The following MACROD1 variants were observed in gnomAD, a reference collection of about 807,000 sequenced individuals.
The protein encoded by MACROD1 is ADP-ribose glycohydrolase MACROD1.
MACROD1 carries 31 observed loss-of-function variants against 41.4 expected under a neutral mutation model. That is an observed-to-expected ratio of 0.75 (90% confidence interval 0.56 to 1.01). The LOEUF (loss-of-function observed/expected upper bound fraction) is 1.01, where lower values mean the gene tolerates loss of function less well. Ranked by LOEUF, MACROD1 falls within the 50% of genes least tolerant of loss-of-function variation. The pLI is 0.00. For missense variants in MACROD1, 473 were observed against 460.0 expected (o/e 1.03, Z -0.26); for synonymous variants, 252 against 203.4 (o/e 1.24, Z -2.03).
intron 3 of MACROD1, among the ~76,000 whole-genome samples, chr11:64,105,021 T>G (rs912157568): frequency 6.6e-5 from 10 of 152,170 alleles, no homozygotes; most frequent in Middle Eastern, 6.8e-3. Context: ...AGGAGAGGGG[T>G]TGATTTATGA....
At chr11:64,143,043 G>C (rs1945435433) in intron 3 of MACROD1, among the ~76,000 whole-genome samples, 1 of 151,264 alleles carries the variant, frequency 6.6e-6, no homozygotes, top group South Asian at 2.1e-4. Context: ...GACCCCAGGA[G>C]GTGGAGGCTG....
intron 3 of MACROD1, among the ~76,000 whole-genome samples, chr11:64,140,087 A>G (rs1174406949): frequency 6.6e-6 from 1 of 152,070 alleles, no homozygotes; most frequent in African/African-American, 2.4e-5. Context: ...CAAGCATGCC[A>G]GCGCCCTCCA....
intron 4 of MACROD1, among the ~76,000 whole-genome samples, chr11:64,013,035 C>T (rs926547497): frequency 6.6e-6 from 1 of 151,364 alleles, no homozygotes; most frequent in South Asian, 2.1e-4. Flanking sequence ...TTACTATGTT[C>T]CCCAGGCTGG....
At chr11:64,129,716 C>T (rs1368325869) in intron 3 of MACROD1, among the ~76,000 whole-genome samples, 2 of 152,160 alleles carry the variant, frequency 1.3e-5, no homozygotes, top group African/African-American at 4.8e-5. Context: ...CACAACAATC[C>T]CAGGTCCACG....
rs775213472 is a variant in MACROD1 at position 63,999,358 on chromosome 11, T to C, written c.864A>G (p.Arg288=). The C allele has an allele frequency of 1.9e-6, 3 of 1,590,558 alleles. No homozygotes were observed. Among genetic ancestry groups the C allele is most frequent in the Non-Finnish European group, 1.7e-6 (2 of 1,173,706 alleles). ...TGTCCTTGTGCTGCTCCAGCCACTC[T>C]CGCAGCGTGGCCAGCACGATCTCGG... The part of the protein sequence containing the change: ...AAAEIVLATL[R]EWLEQHKDKV... Residue 288 remains arginine (R), a synonymous_variant, in exon 8 of 11, where the codon CGA becomes CGG. Transcript: ENST00000255681.
intron 4 of MACROD1, among the ~76,000 whole-genome samples, chr11:64,010,554 TGTTG>T (rs1485500562): frequency 2.0e-5 from 3 of 147,892 alleles, no homozygotes; most frequent in African/African-American, 5.0e-5. Context: ...GGTTGGCATG[TGTTG>T]GTTGGGATGT....
At chr11:64,017,347 TATC>T (rs946481598) in intron 3 of MACROD1, among the ~76,000 whole-genome samples, 1 of 152,104 alleles carries the variant, frequency 6.6e-6, no homozygotes, top group Admixed American at 6.5e-5. Context: ...GCCCATTTAT[TATC>T]ATAACAAAGC....
intron 3 of MACROD1, among the ~76,000 whole-genome samples, chr11:64,098,854 G>A (rs1263278744): frequency 2.6e-5 from 4 of 152,196 alleles, no homozygotes; most frequent in Non-Finnish European, 4.4e-5. Context: ...GCCCACCTGG[G>A]TTTCTAGCAG....
intron 3 of MACROD1, among the ~76,000 whole-genome samples, chr11:64,017,261 G>A (rs1014248066): frequency 1.3e-5 from 2 of 152,174 alleles, no homozygotes; most frequent in Non-Finnish European, 2.9e-5. Context: ...GTGAGCCACC[G>A]CGCCTGGGCA....
intron 3 of MACROD1, among the ~76,000 whole-genome samples, chr11:64,078,852 G>A (rs778591994): frequency 1.3e-5 from 2 of 152,232 alleles, no homozygotes; most frequent in Non-Finnish European, 2.9e-5. Context: ...ATAGCTGGCC[G>A]TGGAGACTGT....
intron 3 of MACROD1, chr11:64,117,239 G>C: frequency 1.2e-6 from 2 of 1,614,184 alleles, no homozygotes; most frequent in Non-Finnish European, 1.7e-6. Context: ...CCCAGCTGCT[G>C]CTCAGGAACA....
At chr11:64,019,135 G>A (rs1365165129) in intron 3 of MACROD1, among the ~76,000 whole-genome samples, 2 of 152,208 alleles carry the variant, frequency 1.3e-5, no homozygotes, top group African/African-American at 2.4e-5. Context: ...AGGCTGTGGA[G>A]TGCCCTAGTC....
intron 3 of MACROD1, among the ~76,000 whole-genome samples, chr11:64,112,982 T>A (rs900714707): frequency 6.6e-6 from 1 of 152,164 alleles, no homozygotes; most frequent in African/African-American, 2.4e-5. Context: ...TTGGCCACAG[T>A]CCCTGCCCTG....
At chr11:64,045,054 T>C (rs976126963) in intron 3 of MACROD1, among the ~76,000 whole-genome samples, 2 of 152,186 alleles carry the variant, frequency 1.3e-5, no homozygotes, top group Non-Finnish European at 2.9e-5. Context: ...GCAGAGGCAT[T>C]GTGAGCAGTC....
intron 3 of MACROD1, among the ~76,000 whole-genome samples, chr11:64,030,099 A>C (rs890666490): frequency 1.3e-5 from 2 of 149,966 alleles, no homozygotes; most frequent in Admixed American, 6.6e-5. Context: ...CTGCGTTCCC[A>C]CCCTCTCTGG....
At chr11:64,155,600 C>A (rs1460442623) in intron 1 of MACROD1, among the ~76,000 whole-genome samples, 2 of 152,302 alleles carry the variant, frequency 1.3e-5, no homozygotes, top group Admixed American at 6.5e-5. Context: ...TCCTTCCTGG[C>A]GGCTAAATAA....
At chr11:64,099,220 C>T (rs1944629267) in intron 3 of MACROD1, among the ~76,000 whole-genome samples, 1 of 152,264 alleles carries the variant, frequency 6.6e-6, no homozygotes, top group Non-Finnish European at 1.5e-5. Flanking sequence ...CCTCCATGAT[C>T]CACCCCACTC....
At chr11:64,002,548 T>C (rs11231674) in intron 4 of MACROD1, among the ~76,000 whole-genome samples, 1,839 of 152,238 alleles carry the variant, frequency 0.012, 33 homozygotes, top group South Asian at 0.086. Context: ...GACAGGTCAC[T>C]GTCAGCCCAC....
chr11:64,125,797 A>G (rs1428783558), intron 3 of MACROD1, among the ~76,000 whole-genome samples: 2 of 152,204 alleles, frequency 1.3e-5, no homozygotes, highest in East Asian at 3.8e-4. Context: ...GGAGGGCCCC[A>G]CAGAGGCGCT....
Sources: gnomAD v4.1 joint callset for allele counts (sites outside exome capture counted in the v4.1 genomes callset) on GRCh38, gnomAD v4.1.1 for gene constraint, MANE v1.5 for transcripts, NCBI Gene and HGNC (gene_info 2026-07-23, HGNC 2026-07-21) for gene names.